The following ZNF431 variants were observed in gnomAD, a reference collection of about 807,000 sequenced individuals.
ZNF431 encodes zinc finger protein 431.
Under a neutral mutation model 57.0 loss-of-function variants are expected in ZNF431, and 34 were observed. The ratio of observed to expected loss-of-function variants is 0.60; its 90% CI spans 0.45 to 0.79. The LOEUF (loss-of-function observed/expected upper bound fraction) is 0.79, where lower values mean the gene tolerates loss of function less well. ZNF431 is among the 30% of genes least tolerant of loss of function. The pLI, the probability that ZNF431 is intolerant of heterozygous loss-of-function variation, is 0.00. For synonymous variants in ZNF431, 207 were observed against 220.3 expected, an observed-to-expected ratio of 0.94 and a Z score of 0.54; for missense variants, 607 against 667.1, an observed-to-expected ratio of 0.91 and a Z score of 0.99.
At chr19:21,181,656 A>G (rs1411600627) in intron 4 of ZNF431, among the ~76,000 whole-genome samples, 1 of 150,712 alleles carries the variant, frequency 6.6e-6, no homozygotes, top group Non-Finnish European at 1.5e-5. Context: ...TTCCTTTACA[A>G]TTTCTGTTTT....
rs895387790 is a variant in ZNF431 at position 21,184,871 on chromosome 19, A to G, written c.*837A>G. On this transcript the variant is annotated 3_prime_UTR_variant, in exon 5 of 5. Transcript: ENST00000311048. ...TATTTATTTTGAAGTTGAACATCAC[A>G]AATATAAAAAGGGTTGTAGTGCCTT... 1.8e-4 allele frequency: 28 copies of G among 152,218 alleles called. No individual in the cohort carries two copies. Among genetic ancestry groups the G allele is most frequent in the African/African-American group, 4.8e-5 (2 of 41,444 alleles). The allele number at this position is 152,218 out of a possible 1,614,324, so 9.4% of individuals were successfully genotyped here.
At chr19:21,164,976 A>G (rs920741788) in intron 2 of ZNF431, among the ~76,000 whole-genome samples, 2 of 151,484 alleles carry the variant, frequency 1.3e-5, no homozygotes, top group Non-Finnish European at 2.9e-5. Flanking sequence ...CAGGCATGGT[A>G]GCACATGCCT....
intron 4 of ZNF431, 139 bp from the exon 5 acceptor site, chr19:21,182,484 T>C: frequency 1.0e-6 from 1 of 955,060 alleles, no homozygotes; most frequent in Non-Finnish European, 1.5e-6. Context: ...TAGATTTATA[T>C]GTCTATGAAG....
Position 21,182,656 on chromosome 19 carries a change from C to G in ZNF431, c.353C>G (p.Pro118Arg), listed in dbSNP as rs758316093. The G allele has an allele frequency of 6.2e-7, 1 of 1,608,350 alleles. No homozygotes were observed. The highest frequency in any genetic ancestry group is 1.3e-5 in the African/African-American group (1 of 74,630). ...TCTTATTTTACCAAAGACCTTTGGC[C>G]AGAGCAAGACATAAAAGATTCTTTT... is the stretch of plus-strand genomic sequence containing the variant. The part of the protein sequence containing the change: ...MCSYFTKDLW[P>R]EQDIKDSFQQ... Residue 118 changes from proline (P) to arginine (R), a missense_variant, in exon 5 of 5, where the codon CCA becomes CGA. By Grantham distance (103) the Pro-to-Arg change is moderately radical. Transcript: ENST00000311048.
At chr19:21,180,950 A>G (rs572790350) in intron 4 of ZNF431, among the ~76,000 whole-genome samples, 12 of 152,080 alleles carry the variant, frequency 7.9e-5, no homozygotes, top group Admixed American at 2.0e-4. Flanking sequence ...AAAAGAAAAA[A>G]AAAAAAAAAA....
In ZNF431 at chr19:21,187,075, T is replaced by C. The variant is rs186347651; in HGVS notation, c.*3041T>C. On this transcript the variant is annotated 3_prime_UTR_variant, in exon 5 of 5. Coordinates refer to ENST00000311048, the MANE Select transcript of ZNF431 (RefSeq NM_133473.4). ...CATAATAATTCATAAATATTCCTGC[T>C]GAAGTTAGTTTGTAACTTCAAGTCA... 6.6e-6 allele frequency: 1 copy of C among 152,330 alleles called. No homozygotes were observed. The highest frequency in any genetic ancestry group is 1.5e-5 in the Non-Finnish European group (1 of 68,018). The allele number at this position is 152,330 out of a possible 1,614,324, so 9.4% of individuals were successfully genotyped here.
At chr19:21,175,996 G>A (rs1178512009) in intron 4 of ZNF431, among the ~76,000 whole-genome samples, 1 of 152,136 alleles carries the variant, frequency 6.6e-6, no homozygotes, top group Admixed American at 6.5e-5. Flanking sequence ...TTGAGGAATC[G>A]CCATACTGGC....
intron 2 of ZNF431, among the ~76,000 whole-genome samples, chr19:21,160,406 C>T (rs1051780184): frequency 6.6e-6 from 1 of 152,148 alleles, no homozygotes; most frequent in Non-Finnish European, 1.5e-5. Context: ...TATCCAGAGC[C>T]ATGACAACCA....
At chr19:21,166,184 TTC>T (rs1258192515) in intron 2 of ZNF431, 149 bp from the exon 3 acceptor site, 12 of 1,255,690 alleles carry the variant, frequency 9.6e-6, no homozygotes, top group South Asian at 3.4e-5. Flanking sequence ...TAGAAAATAT[TTC>T]TGTGTTAAAA....
intron 2 of ZNF431, among the ~76,000 whole-genome samples, chr19:21,154,300 G>A (rs553314593): frequency 6.6e-6 from 1 of 152,280 alleles, no homozygotes; most frequent in South Asian, 2.1e-4. Context: ...ATAGTTTGCT[G>A]AGAATGATGG....
rs562393970 is a variant in ZNF431 at position 21,155,550 on chromosome 19, C to A, written c.97-10785C>A. Among the ~76,000 whole-genome samples the A allele has an allele frequency of 3.2e-3, 490 of 152,210 alleles. 3 individuals carry two copies. The highest frequency in any genetic ancestry group is 0.011 in the African/African-American group (450 of 41,520). On this transcript the variant is annotated intron_variant, in intron 2 of 4. Coordinates refer to ENST00000311048, the MANE Select transcript of ZNF431 (RefSeq NM_133473.4). ...AACTTTAAAGTAGTTTTTTCCAATT[C>A]TGTGAAGAAAGTCATTGGTAGCTTG...
intron 4 of ZNF431, among the ~76,000 whole-genome samples, chr19:21,168,496 A>G (rs1305136425): frequency 6.6e-6 from 1 of 151,924 alleles, no homozygotes; most frequent in Non-Finnish European, 1.5e-5. Flanking sequence ...CCTTCTGAGT[A>G]GCTGGGACTA....
chr19:21,164,255 C>T (rs1221380525), intron 2 of ZNF431, among the ~76,000 whole-genome samples: 1 of 151,946 alleles, frequency 6.6e-6, no homozygotes, highest in Non-Finnish European at 1.5e-5. Flanking sequence ...TGAAGTGCCA[C>T]CTTTGTACTA....
At position 21,183,668 on chromosome 19, in the gene ZNF431, T is replaced by C. The variant is rs747936785; in HGVS notation, c.1365T>C (p.Pro455=). Residue 455 remains proline (P), a synonymous_variant, in exon 5 of 5, where the codon CCT becomes CCC. Transcript: ENST00000311048. ...AGATAATTCATACTGGAGAGAAACC[T>C]TACAAATGTGAAGAATGTGGCAAAG... ...AHKIIHTGEK[P]YKCEECGKAF... The C allele has an allele frequency of 6.2e-7, 1 of 1,607,988 alleles. No individual in the cohort carries two copies. The highest frequency in any genetic ancestry group is 8.5e-7 in the Non-Finnish European group (1 of 1,177,992).
intron 4 of ZNF431, 80 bp downstream of exon 4, chr19:21,167,746 A>G (rs575090017): frequency 4.1e-6 from 4 of 982,572 alleles, no homozygotes; most frequent in South Asian, 2.0e-5. Context: ...AGTCCTTACA[A>G]TGTGTTTTGG....
At chr19:21,146,358 C>T (rs1970094479) in intron 2 of ZNF431, among the ~76,000 whole-genome samples, 3 of 149,328 alleles carry the variant, frequency 2.0e-5, no homozygotes, top group African/African-American at 4.9e-5. Context: ...TGTAGTGAGC[C>T]GAGACCGTGC....
intron 2 of ZNF431, among the ~76,000 whole-genome samples, chr19:21,160,903 A>C (rs1970549631): frequency 1.3e-5 from 2 of 152,048 alleles, no homozygotes; most frequent in Non-Finnish European, 2.9e-5. Context: ...GGTGCGGTGG[A>C]TCATGCCTGT....
rs1328076916 is a variant in ZNF431, at chr19:21,194,594, A to C, written c.*10560A>C. 1.3e-5 allele frequency: 2 copies of C among 151,660 alleles called. No homozygotes were observed. Among genetic ancestry groups the C allele is most frequent in the Non-Finnish European group, 1.5e-5 (1 of 67,964 alleles). 9.4% of individuals were successfully genotyped at this position (151,660 alleles called of 1,614,324 possible). On this transcript the variant is annotated 3_prime_UTR_variant, in exon 5 of 5. Transcript: ENST00000311048. ...AGTGAGTCTCCTACCTCAGCCTCCCAAGTAGCTGGGATTACAGGTGCCCAC... is the reference window on the plus strand; with the variant it reads ...AGTGAGTCTCCTACCTCAGCCTCCCCAGTAGCTGGGATTACAGGTGCCCAC...
At position 21,183,530 on chromosome 19, in the gene ZNF431, T is replaced by TA. The variant is rs1971274457; in HGVS notation, c.1229dup (p.Asn410LysfsTer2). The TA allele has an allele frequency of 6.2e-7, 1 of 1,613,336 alleles. No homozygotes were observed. Among genetic ancestry groups the TA allele is most frequent in the South Asian group, 1.1e-5 (1 of 91,062 alleles). ...AATGTGAAGTGTGTGGCAAAGCCTT[T>TA]AATGAGTCCTCAAACCTTACTACAC... On this transcript the variant is annotated frameshift_variant, in exon 5 of 5. Transcript: ENST00000311048. LOFTEE classifies it high-confidence loss of function.
Sources: allele counts gnomAD v4.1 joint callset (sites outside exome capture counted in the v4.1 genomes callset), GRCh38; gene constraint gnomAD v4.1.1; transcripts MANE v1.5; gene names NCBI Gene and HGNC (gene_info 2026-07-23, HGNC 2026-07-21).